WDR70: variants seen among roughly 807,000 people sequenced by gnomAD.
WDR70 encodes WD repeat-containing protein 70.
WDR70 carries 53 observed loss-of-function variants against 88.6 expected under a neutral mutation model. That is an observed-to-expected ratio of 0.60 (90% CI 0.48 to 0.75). The LOEUF (loss-of-function observed/expected upper bound fraction) is 0.75, where lower values mean the gene tolerates loss of function less well. WDR70 is among the 30% of genes least tolerant of loss of function. The pLI, the probability that WDR70 is intolerant of heterozygous loss-of-function variation, is 0.00. For missense variants in WDR70, 610 were observed against 823.2 expected (o/e 0.74, Z 3.17); for synonymous variants, 280 against 270.0 (o/e 1.04, Z -0.36).
chr5:37,750,904 C>G (rs1748788473), intron 17 of WDR70, among the ~76,000 whole-genome samples: 1 of 152,152 alleles, frequency 6.6e-6, no homozygotes, highest in African/African-American at 2.4e-5. Flanking sequence ...AATGAAATAA[C>G]CTTTTTGGAC....
chr5:37,545,918 A>G (rs570248577), intron 9 of WDR70, among the ~76,000 whole-genome samples: 12 of 152,330 alleles, frequency 7.9e-5, no homozygotes, highest in African/African-American at 2.9e-4. Flanking sequence ...TTTACTGGTG[A>G]CATAATTAAG....
chr5:37,646,364 G>A (rs10055747), intron 10 of WDR70, among the ~76,000 whole-genome samples: 43 of 151,664 alleles, frequency 2.8e-4, no homozygotes, highest in Non-Finnish European at 4.9e-4. Context: ...TATTTTTGAT[G>A]GGCTCATCTT....
intron 17 of WDR70, among the ~76,000 whole-genome samples, chr5:37,733,498 TA>T (rs1440792459): frequency 3.9e-5 from 6 of 152,140 alleles, no homozygotes; most frequent in Non-Finnish European, 5.9e-5. Flanking sequence ...TTTTCCTCAT[TA>T]AATTGAAATG....
chr5:37,726,990 C>T lies in WDR70; in HGVS notation c.1822C>T (p.Arg608Cys), dbSNP rs765801273. The T allele has an allele frequency of 4.3e-6, 7 of 1,610,532 alleles. No individual in the cohort carries two copies. Among genetic ancestry groups the T allele is most frequent in the East Asian group, 2.2e-5 (1 of 44,708 alleles). ...CAGTAATCCTCGGGAAGCCATTTTG[C>T]GTCATGCCAAAGCAGCAGAAGACAG... ...DDSNPREAIL[R>C]HAKAAEDSPY... Residue 608 changes from arginine (R) to cysteine (C), a missense_variant, in exon 17 of 18, where the codon CGT becomes TGT. Arg to Cys is a radical substitution (Grantham distance 180, BLOSUM62 -3). Coordinates refer to ENST00000265107, the MANE Select transcript of WDR70 (RefSeq NM_018034.4).
At position 37,674,634 on chromosome 5, in the gene WDR70, G is replaced by A. The variant is rs531236615; in HGVS notation, c.1093-23021G>A. On this transcript the variant is annotated intron_variant, in intron 10 of 17. Coordinates refer to ENST00000265107, the MANE Select transcript of WDR70 (RefSeq NM_018034.4). ...CATTTTCTTAATCCAGTCTATCATC[G>A]TTGGACGTTTGGGTTGGTTCCAAGT... Among the ~76,000 whole-genome samples, 7 of 152,148 alleles carry A rather than the reference G, an allele frequency of 4.6e-5. 1 individual carries two copies. Among genetic ancestry groups the A allele is most frequent in the African/African-American group, 1.4e-4 (6 of 41,472 alleles).
At chr5:37,580,735 C>A (rs1743193868) in intron 9 of WDR70, among the ~76,000 whole-genome samples, 1 of 152,176 alleles carries the variant, frequency 6.6e-6, no homozygotes, top group Admixed American at 6.5e-5. Context: ...AGTTTTTCCC[C>A]TGTGTAGCCA....
intron 10 of WDR70, among the ~76,000 whole-genome samples, chr5:37,605,867 T>G (rs538125718): frequency 6.6e-5 from 10 of 152,324 alleles, no homozygotes; most frequent in African/African-American, 2.2e-4. Context: ...AAAAGCTTCT[T>G]GTTTTATGTA....
At chr5:37,418,587 A>G (rs1412332743) in intron 5 of WDR70, among the ~76,000 whole-genome samples, 1 of 152,138 alleles carries the variant, frequency 6.6e-6, no homozygotes, top group Non-Finnish European at 1.5e-5. Flanking sequence ...TAATCATGAA[A>G]AAAAGTTAGG....
At chr5:37,450,042 C>T (rs1325214159) in intron 7 of WDR70, among the ~76,000 whole-genome samples, 1 of 152,102 alleles carries the variant, frequency 6.6e-6, no homozygotes, top group African/African-American at 2.4e-5. Flanking sequence ...ATGATGGTTT[C>T]CAGCTTCATC....
intron 13 of WDR70, among the ~76,000 whole-genome samples, chr5:37,711,291 C>A (rs1747504135): frequency 1.3e-5 from 2 of 152,066 alleles, no homozygotes; most frequent in Non-Finnish European, 2.9e-5. Context: ...CATACTTGGC[C>A]CAGTTTCTCA....
chr5:37,685,623 C>T lies in WDR70; in HGVS notation c.1093-12032C>T, dbSNP rs116225742. On this transcript the variant is annotated intron_variant, in intron 10 of 17. Transcript: ENST00000265107. Reference sequence around the variant, plus strand: ...CTACAGCCAAAGTCTTCTACGGAAGCAAGTCAATCCTAGGGGTATGGGCAT... The same window carrying T: ...CTACAGCCAAAGTCTTCTACGGAAGTAAGTCAATCCTAGGGGTATGGGCAT... 3.7e-3 allele frequency among the ~76,000 whole-genome samples: 567 copies of T among 152,166 alleles called. 6 individuals are homozygous for T. Among genetic ancestry groups the T allele is most frequent in the African/African-American group, 0.013 (525 of 41,502 alleles).
intron 5 of WDR70, among the ~76,000 whole-genome samples, chr5:37,401,572 C>T (rs1310137579): frequency 3.3e-5 from 5 of 152,124 alleles, no homozygotes; most frequent in Admixed American, 6.6e-5. Context: ...CTACCTTGGC[C>T]TCCCAAAGTG....
At chr5:37,471,046 G>A (rs2112132865) in intron 7 of WDR70, among the ~76,000 whole-genome samples, 1 of 152,170 alleles carries the variant, frequency 6.6e-6, no homozygotes, top group South Asian at 2.1e-4. Flanking sequence ...ACCACGCATG[G>A]CTAATTTTTG....
chr5:37,383,702 C>T (rs1748505921), intron 3 of WDR70, among the ~76,000 whole-genome samples: 1 of 152,104 alleles, frequency 6.6e-6, no homozygotes, highest in African/African-American at 2.4e-5. Context: ...GCCTCAGGCT[C>T]TGGAGTAGCT....
chr5:37,475,481 A>G (rs13183567), intron 7 of WDR70, among the ~76,000 whole-genome samples: 131,107 of 151,834 alleles, frequency 0.86, 59,799 homozygotes, highest in East Asian at 1. Context: ...CAGGTGATCC[A>G]GCTGCCTTGG....
intron 10 of WDR70, among the ~76,000 whole-genome samples, chr5:37,678,065 T>G (rs931368146): frequency 3.3e-5 from 5 of 152,178 alleles, no homozygotes; most frequent in Non-Finnish European, 7.4e-5. Context: ...CCTGCCTTTT[T>G]TTGTTTTCCA....
Position 37,605,162 on chromosome 5 carries a change from C to T in WDR70, c.1016C>T (p.Thr339Ile). 1 of 1,613,348 alleles carries T rather than the reference C, an allele frequency of 6.2e-7. No individual in the cohort carries two copies. Among genetic ancestry groups the T allele is most frequent in the Non-Finnish European group, 8.5e-7 (1 of 1,179,602 alleles). ...AAAAAAGTCATTCCCACTACGTGCA[C>T]ATATAGTAGAGATGGAAACCTCATA... ...QGKKVIPTTC[T>I]YSRDGNLIAA... The change falls in exon 10 of 18, where the codon ACA becomes ATA. Residue 339 changes from threonine (T) to isoleucine (I), a missense_variant. Physicochemically the swap from Thr to Ile is moderately conservative, Grantham distance 89. Transcript: ENST00000265107.
At chr5:37,638,703 T>C (rs984353577) in intron 10 of WDR70, among the ~76,000 whole-genome samples, 1 of 152,210 alleles carries the variant, frequency 6.6e-6, no homozygotes, top group African/African-American at 2.4e-5. Flanking sequence ...AAAGTTCACA[T>C]TGATCTGAGA....
At chr5:37,436,962 A>G (rs923468043) in intron 5 of WDR70, among the ~76,000 whole-genome samples, 1 of 152,148 alleles carries the variant, frequency 6.6e-6, no homozygotes, top group African/African-American at 2.4e-5. Flanking sequence ...TTGAGTAATG[A>G]GACTTGAATA....
Sources: allele counts gnomAD v4.1 joint callset (sites outside exome capture counted in the v4.1 genomes callset), GRCh38; gene constraint gnomAD v4.1.1; transcripts MANE v1.5; gene names NCBI Gene and HGNC (gene_info 2026-07-23, HGNC 2026-07-21).